The following PYCARD variants were observed in gnomAD, a reference collection of about 807,000 sequenced individuals.
PYCARD encodes the protein apoptosis-associated speck-like protein containing a CARD.
In PYCARD, 10 loss-of-function variants were observed where a neutral mutation model predicts 10.0. That is an observed-to-expected ratio of 1.00 (90% CI 0.62 to 1.69). The LOEUF (loss-of-function observed/expected upper bound fraction) is 1.69. Among genes scored for constraint, PYCARD ranks in the 40% most tolerant of loss-of-function variants. The pLI, the probability that PYCARD is intolerant of heterozygous loss-of-function variation, is 0.00. For missense variants in PYCARD, 239 were observed against 260.2 expected (o/e 0.92, Z 0.56); for synonymous variants, 121 against 122.3 (o/e 0.99, Z 0.07).
Position 31,201,727 on chromosome 16 carries a change from A to G in PYCARD, c.446T>C (p.Val149Ala). 1 of 1,614,182 alleles carries G rather than the reference A, an allele frequency of 6.2e-7. No individual in the cohort carries two copies. Among genetic ancestry groups the G allele is most frequent in the Non-Finnish European group, 8.5e-7 (1 of 1,180,038 alleles). Residue 149 changes from valine to alanine, a missense_variant, in exon 3 of 3, where the codon GTG becomes GCG. Coordinates refer to ENST00000247470, the MANE Select transcript of PYCARD (RefSeq NM_013258.5). Reference protein sequence around the residue: ...KVLTDEQYQAVRAEPTNPSKM... With the variant: ...KVLTDEQYQAARAEPTNPSKM... ...GCTTGGGTTGGTGGGCTCGGCCCGC[A>G]CTGCCTGGTACTGCTCATCCGTCAG...
rs1248949343 is a variant in PYCARD, at chr16:31,202,162, A to G, written c.316T>C (p.Ser106Pro). 1 of 1,607,110 alleles carries G rather than the reference A, an allele frequency of 6.2e-7. No homozygotes were observed. The highest frequency in any genetic ancestry group is 1.3e-5 in the African/African-American group (1 of 74,862). ...APAGIQAPPQSAAKPGLHFID... is the reference protein window; with the variant it reads ...APAGIQAPPQPAAKPGLHFID... Reference sequence around the variant, plus strand: ...GAGGCCTCACCTGGCTTGGCTGCCGACTGAGGAGGGGCCTGGATCCCAGCT... The same window carrying G: ...GAGGCCTCACCTGGCTTGGCTGCCGGCTGAGGAGGGGCCTGGATCCCAGCT... The change falls in exon 2 of 3, where the codon TCG becomes CCG. Residue 106 changes from serine (S) to proline (P), a missense_variant. Physicochemically the swap from Ser to Pro is moderately conservative, Grantham distance 74. Coordinates refer to ENST00000247470, the MANE Select transcript of PYCARD (RefSeq NM_013258.5). This position sits in a 1 kb window ranked among gnomAD's most constrained non-coding sequence, Gnocchi z 4.5.
Position 31,202,471 on chromosome 16 carries a change from G to C in PYCARD, c.220C>G (p.Arg74Gly), listed in dbSNP as rs747889677. The change falls in exon 1 of 3, where the codon CGC (arginine) becomes GGC (glycine). Residue 74 changes from arginine to glycine, a missense_variant. By Grantham distance (125) the Arg-to-Gly change is moderately radical (BLOSUM62 -2). Transcript: ENST00000247470. This position sits in a 1 kb window ranked among gnomAD's most constrained non-coding sequence, Gnocchi z 4.5. The stretch of plus-strand genomic sequence containing the variant: ...GCCATCTCCTGCAGGCCCATGTCGC[G>C]CAGCACGTTAGCGGTGAGCTCGGCG... ...YGAELTANVL[R>G]DMGLQEMAGQ... The C allele has an allele frequency of 2.5e-6, 4 of 1,579,412 alleles. No individual in the cohort carries two copies. Among genetic ancestry groups the C allele is most frequent in the African/African-American group, 1.3e-5 (1 of 74,192 alleles).
intron 2 of PYCARD, 124 bp from the exon 3 acceptor site, chr16:31,201,965 C>T (rs752143132): frequency 1.4e-6 from 2 of 1,479,422 alleles, no homozygotes; most frequent in Non-Finnish European, 1.8e-6. Context: ...GCCACCAGGA[C>T]CCCACATGCA....
At position 31,202,752 on chromosome 16, in the gene PYCARD, G is replaced by T. The variant is rs766590831; in HGVS notation, c.-62C>A. On this transcript the variant is annotated 5_prime_UTR_variant, in exon 1 of 3. Transcript: ENST00000247470. The surrounding 1 kb of genome is among the most constrained non-coding windows in gnomAD (Gnocchi z 4.5). ...CGCTGCAGCCGCCGACCAGGAGGAA[G>T]TCGGCTCCGGGGCGGAACCTGGACT... The T allele has an allele frequency of 6.6e-7, 1 of 1,504,356 alleles. No homozygotes were observed. Among genetic ancestry groups the T allele is most frequent in the Admixed American group, 2.1e-5 (1 of 46,798 alleles). 93.2% of individuals were successfully genotyped at this position (1,504,356 alleles called of 1,614,324 possible). A position where few individuals can be genotyped will look rare whatever the true frequency, so the allele number is the denominator to read the frequency against.
Position 31,202,197 on chromosome 16 carries a change from C to T in PYCARD, c.281G>A (p.Gly94Glu). 6.2e-7 allele frequency: 1 copy of T among 1,604,452 alleles called. No individual in the cohort carries two copies. Among genetic ancestry groups the T allele is most frequent in the Non-Finnish European group, 8.5e-7 (1 of 1,179,784 alleles). Residue 94 changes from glycine to glutamate, a missense_variant, in exon 2 of 3, where the codon GGA becomes GAA. By Grantham distance (98) the Gly-to-Glu change is moderately conservative (BLOSUM62 -2). Coordinates refer to ENST00000247470, the MANE Select transcript of PYCARD (RefSeq NM_013258.5). This position sits in a 1 kb window ranked among gnomAD's most constrained non-coding sequence, Gnocchi z 4.5. ...GGCCTGGATCCCAGCTGGCGCGGCT[C>T]CAGAGCCTGGAAGGATATGGGCCAA... The part of the protein sequence containing the change: ...QLQAATHQGS[G>E]AAPAGIQAPP...
Position 31,201,759 on chromosome 16 carries a change from C to T in PYCARD, c.414G>A (p.Gly138=). 6.2e-7 allele frequency: 1 copy of T among 1,614,208 alleles called. No individual in the cohort carries two copies. Among genetic ancestry groups the T allele is most frequent in the Non-Finnish European group, 8.5e-7 (1 of 1,180,036 alleles). Residue 138 remains glycine (G), a synonymous_variant, in exon 3 of 3, where the codon GGG becomes GGA. Transcript: ENST00000247470. ...GGTACTGCTCATCCGTCAGGACCTT[C>T]CCGTACAGAGCATCCAGCAGCCACT... ...NVEWLLDALY[G]KVLTDEQYQA...
Position 31,201,545 on chromosome 16 carries a change from G to A in PYCARD, c.*40C>T, listed in dbSNP as rs1466684539. The stretch of plus-strand genomic sequence containing the variant: ...GATCAGATTCAGGATGATTTGGTGG[G>A]ATTGCCAGGGGCTGACCGGAGTGTT... On this transcript the variant is annotated 3_prime_UTR_variant, in exon 3 of 3. Coordinates refer to ENST00000247470, the MANE Select transcript of PYCARD (RefSeq NM_013258.5). 1 of 1,591,266 alleles carries A rather than the reference G, an allele frequency of 6.3e-7. No homozygotes were observed.
rs773413611 is a variant in PYCARD at position 31,202,736 on chromosome 16, C to T, written c.-46G>A. ...CTGCCGCCGCTCACCCCGCTGCAGC[C>T]GCCGACCAGGAGGAAGTCGGCTCCG... On this transcript the variant is annotated 5_prime_UTR_variant, in exon 1 of 3. Transcript: ENST00000247470. The surrounding 1 kb of genome is among the most constrained non-coding windows in gnomAD (Gnocchi z 4.5). The T allele has an allele frequency of 4.6e-6, 7 of 1,514,728 alleles. No homozygotes were observed. The highest frequency in any genetic ancestry group is 2.8e-5 in the African/African-American group (2 of 71,994). The allele number at this position is 1,514,728 out of a possible 1,614,324, so 93.8% of individuals were successfully genotyped here. A position where few individuals can be genotyped will look rare whatever the true frequency, so the allele number is the denominator to read the frequency against.
Position 31,201,635 on chromosome 16 carries a change from C to T in PYCARD, c.538G>A (p.Ala180Thr). ...NWTCKDLLLQ[A>T]LRESQSYLVE... ...AGGTAGGACTGGGACTCCCTTAGGG[C>T]CTGGAGGAGCAAGTCCTTGCAGGTC... Residue 180 changes from alanine (A) to threonine (T), a missense_variant, in exon 3 of 3, where the codon GCC (alanine) becomes ACC (threonine). By Grantham distance (58) the Ala-to-Thr change is moderately conservative. Coordinates refer to ENST00000247470, the MANE Select transcript of PYCARD (RefSeq NM_013258.5). 1 of 1,614,152 alleles carries T rather than the reference C, an allele frequency of 6.2e-7. No individual in the cohort carries two copies.
In PYCARD at chr16:31,202,061, C is replaced by A; in HGVS notation, c.331+86G>T. On this transcript the variant is annotated intron_variant, in intron 2 of 2. Coordinates refer to ENST00000247470, the MANE Select transcript of PYCARD (RefSeq NM_013258.5). This position sits in a 1 kb window ranked among gnomAD's most constrained non-coding sequence, Gnocchi z 4.5. ...CGCAGGGTTGCCAAGCCGTGCCTGC[C>A]CTGCCCTGCCCTGCCCTGGTTGCGG... is the stretch of plus-strand genomic sequence containing the variant. 7 of 1,522,032 alleles carry A rather than the reference C, an allele frequency of 4.6e-6. No homozygotes were observed. Among genetic ancestry groups the A allele is most frequent in the Non-Finnish European group, 6.2e-6 (7 of 1,135,654 alleles). The allele number at this position is 1,522,032 out of a possible 1,614,324, so 94.3% of individuals were successfully genotyped here. A position where few individuals can be genotyped will look rare whatever the true frequency, so the allele number is the denominator to read the frequency against.
At position 31,202,591 on chromosome 16, in the gene PYCARD, C is replaced by G; in HGVS notation, c.100G>C (p.Glu34Gln). The G allele has an allele frequency of 6.2e-7, 1 of 1,612,978 alleles. No individual in the cohort carries two copies. The highest frequency in any genetic ancestry group is 8.5e-7 in the Non-Finnish European group (1 of 1,179,712). Residue 34 changes from glutamate to glutamine, a missense_variant, in exon 1 of 3, where the codon GAG becomes CAG. By Grantham distance (29) the Glu-to-Gln change is conservative. Coordinates refer to ENST00000247470, the MANE Select transcript of PYCARD (RefSeq NM_013258.5). The surrounding 1 kb of genome is among the most constrained non-coding windows in gnomAD (Gnocchi z 4.5). ...CCCCGCGGGATGCGCCCGTAGCCCT[C>G]GCGCAGCGGCACCGACAGCAGCTTC... Reference protein sequence around the residue: ...KLKLLSVPLREGYGRIPRGAL... With the variant: ...KLKLLSVPLRQGYGRIPRGAL...
rs766133154 is a variant in PYCARD, at chr16:31,201,936, G to C, written c.332-95C>G. The C allele has an allele frequency of 1.9e-6, 3 of 1,552,964 alleles. No individual in the cohort carries two copies. The African/African-American group carries it at 4.1e-5, about 21-fold the overall frequency. The stretch of plus-strand genomic sequence containing the variant: ...TCAGGAATTCCTCTGCAAGCCTAGG[G>C]GCAGGGCTCCAGGGGGCGGCCACCA... On this transcript the variant is annotated intron_variant, in intron 2 of 2. Coordinates refer to ENST00000247470, the MANE Select transcript of PYCARD (RefSeq NM_013258.5).
rs1013549744 is a variant in PYCARD, at chr16:31,202,050, G to A, written c.331+97C>T. The A allele has an allele frequency of 1.3e-6, 2 of 1,499,572 alleles. No individual in the cohort carries two copies. Among genetic ancestry groups the A allele is most frequent in the East Asian group, 2.4e-5 (1 of 41,278 alleles). 92.9% of individuals were successfully genotyped at this position (1,499,572 alleles called of 1,614,324 possible). A position where few individuals can be genotyped will look rare whatever the true frequency, so the allele number is the denominator to read the frequency against. On this transcript the variant is annotated intron_variant, in intron 2 of 2. Coordinates refer to ENST00000247470, the MANE Select transcript of PYCARD (RefSeq NM_013258.5). This position sits in a 1 kb window ranked among gnomAD's most constrained non-coding sequence, Gnocchi z 4.5. ...TGGGTGGGGTGCGCAGGGTTGCCAA[G>A]CCGTGCCTGCCCTGCCCTGCCCTGC...
intron 2 of PYCARD, 91 bp from the exon 3 acceptor site, chr16:31,201,932 TA>T: frequency 6.4e-7 from 1 of 1,559,600 alleles, no homozygotes; most frequent in Non-Finnish European, 8.7e-7. Flanking sequence ...TCTGCAAGCC[TA>T]GGGGCAGGGC....
rs760184368 is a variant in PYCARD at position 31,202,372 on chromosome 16, G to C, written c.274+45C>G. 2 of 1,527,474 alleles carry C rather than the reference G, an allele frequency of 1.3e-6. No individual in the cohort carries two copies. Among genetic ancestry groups the C allele is most frequent in the South Asian group, 2.4e-5 (2 of 83,128 alleles). 94.6% of individuals were successfully genotyped at this position (1,527,474 alleles called of 1,614,324 possible). Reference sequence around the variant, plus strand: ...GAGCCCGCGGGGTAAGCGCTGGTGTGGGTGGAGGGGAAAGACGGGGTGGAG... The same window carrying C: ...GAGCCCGCGGGGTAAGCGCTGGTGTCGGTGGAGGGGAAAGACGGGGTGGAG... On this transcript the variant is annotated intron_variant, in intron 1 of 2. Transcript: ENST00000247470. This position sits in a 1 kb window ranked among gnomAD's most constrained non-coding sequence, Gnocchi z 4.5.
chr16:31,202,702 C>T lies in PYCARD; in HGVS notation c.-12G>A, dbSNP rs781001133. On this transcript the variant is annotated 5_prime_UTR_variant, in exon 1 of 3. Coordinates refer to ENST00000247470, the MANE Select transcript of PYCARD (RefSeq NM_013258.5). The surrounding 1 kb of genome is among the most constrained non-coding windows in gnomAD (Gnocchi z 4.5). ...CGCGCGCGCCCCATGGCTCCAGGAT[C>T]CCCGGCCGCTGCCGCCGCTCACCCC... The T allele has an allele frequency of 1.3e-6, 2 of 1,536,988 alleles. 1 individual carries two copies. Among genetic ancestry groups the T allele is most frequent in the Non-Finnish European group, 1.7e-6 (2 of 1,143,376 alleles).
chr16:31,201,609 C>G lies in PYCARD; in HGVS notation c.564G>C (p.Leu188=), dbSNP rs1490002091. The change falls in exon 3 of 3, where the codon CTG becomes CTC. Residue 188 remains leucine (L), a synonymous_variant. Coordinates refer to ENST00000247470, the MANE Select transcript of PYCARD (RefSeq NM_013258.5). The stretch of plus-strand genomic sequence containing the variant: ...CTCAGCTCCGCTCCAGGTCCTCCAC[C>G]AGGTAGGACTGGGACTCCCTTAGGG... The part of the protein sequence containing the change: ...LQALRESQSY[L]VEDLERS 1.9e-6 allele frequency: 3 copies of G among 1,613,854 alleles called. No homozygotes were observed. The highest frequency in any genetic ancestry group is 2.5e-6 in the Non-Finnish European group (3 of 1,179,792).
chr16:31,202,085 G>T lies in PYCARD; in HGVS notation c.331+62C>A. On this transcript the variant is annotated intron_variant, in intron 2 of 2. Transcript: ENST00000247470. The surrounding 1 kb of genome is among the most constrained non-coding windows in gnomAD (Gnocchi z 4.5). ...CCCTGCCCTGCCCTGCCCTGGTTGC[G>T]GGAGCACAGATGCAGGCTGTGCAGG... is the stretch of plus-strand genomic sequence containing the variant. The T allele has an allele frequency of 6.4e-7, 1 of 1,566,782 alleles. No homozygotes were observed. Among genetic ancestry groups the T allele is most frequent in the Non-Finnish European group, 8.6e-7 (1 of 1,157,902 alleles).
At position 31,201,776 on chromosome 16, in the gene PYCARD, G is replaced by A. The variant is rs759999219; in HGVS notation, c.397C>T (p.Leu133=). 2 of 1,614,076 alleles carry A rather than the reference G, an allele frequency of 1.2e-6. No homozygotes were observed. The highest frequency in any genetic ancestry group is 1.7e-6 in the Non-Finnish European group (2 of 1,180,044). Residue 133 remains leucine, a synonymous_variant, in exon 3 of 3, where the codon CTG becomes TTG. Coordinates refer to ENST00000247470, the MANE Select transcript of PYCARD (RefSeq NM_013258.5). ...AGGACCTTCCCGTACAGAGCATCCAGCAGCCACTCAACGTTTGTGACCCTC... is the reference window on the plus strand; with the variant it reads ...AGGACCTTCCCGTACAGAGCATCCAACAGCCACTCAACGTTTGTGACCCTC... The part of the protein sequence containing the change: ...IARVTNVEWL[L]DALYGKVLTD...
Sources: gnomAD v4.1 joint callset for allele counts on GRCh38, gnomAD v4.1.1 for gene constraint, Gnocchi (gnomAD v3.1) non-coding constraint, MANE v1.5 for transcripts, NCBI Gene and HGNC (gene_info 2026-07-23, HGNC 2026-07-21) for gene names.